The following NME8 variants were observed in gnomAD, a reference collection of about 807,000 sequenced individuals.
NME8 encodes NME/NM23 family member 8, also known as protein NME8.
NME8 carries 72 observed loss-of-function variants against 82.3 expected under a neutral mutation model. The ratio of observed to expected loss-of-function variants is 0.87; its 90% CI spans 0.72 to 1.06. NME8 has a LOEUF of 1.06. NME8 is among the 50% of genes least tolerant of loss of function. The pLI, the probability that NME8 is intolerant of heterozygous loss-of-function variation, is 0.00. For missense variants in NME8, 712 were observed against 685.4 expected, an observed-to-expected ratio of 1.04 and a Z score of -0.43; for synonymous variants, 267 against 228.5, an observed-to-expected ratio of 1.17 and a Z score of -1.52.
intron 13 of NME8, 56 bp from the exon 14 acceptor site, chr7:37,885,089 A>C: frequency 9.6e-7 from 1 of 1,038,624 alleles, no homozygotes; most frequent in Non-Finnish European, 1.5e-6. Context: ...GCCTATACAT[A>C]ATTAGCTACT....
intron 12 of NME8, among the ~76,000 whole-genome samples, chr7:37,883,376 T>G (rs562701156): frequency 6.6e-6 from 1 of 152,364 alleles, no homozygotes; most frequent in East Asian, 1.9e-4. Flanking sequence ...TATCCTGTGT[T>G]TTCCTTTCTT....
chr7:37,882,604 AG>A (rs1562838282), intron 12 of NME8, among the ~76,000 whole-genome samples: 16 of 52,566 alleles, frequency 3.0e-4, no homozygotes, highest in Middle Eastern at 0.01. Flanking sequence ...AGAAAGAGAG[AG>A]AGAGAGAGAG....
chr7:37,881,098 A>G (rs1784937898), intron 12 of NME8, among the ~76,000 whole-genome samples: 2 of 152,178 alleles, frequency 1.3e-5, no homozygotes, highest in African/African-American at 4.8e-5. Context: ...GCCCTCTGTG[A>G]AGAACAACAA....
chr7:37,865,908 A>T (rs1363941519), intron 10 of NME8, among the ~76,000 whole-genome samples: 1 of 152,106 alleles, frequency 6.6e-6, no homozygotes, highest in African/African-American at 2.4e-5. Flanking sequence ...GTCCTCTGGA[A>T]GTGAATATCC....
chr7:37,872,429 A>G (rs1337225504), intron 11 of NME8, among the ~76,000 whole-genome samples: 1 of 152,182 alleles, frequency 6.6e-6, no homozygotes, highest in Middle Eastern at 3.2e-3. Flanking sequence ...CTGTACAAAA[A>G]TCACAACACA....
chr7:37,894,991 T>C (rs1785200085), intron 16 of NME8, among the ~76,000 whole-genome samples: 1 of 152,242 alleles, frequency 6.6e-6, no homozygotes, highest in East Asian at 1.9e-4. Context: ...GCCAACATAC[T>C]TAATTGTTGC....
chr7:37,868,793 G>T (rs1490842347), intron 11 of NME8, among the ~76,000 whole-genome samples: 1 of 152,034 alleles, frequency 6.6e-6, no homozygotes, highest in East Asian at 1.9e-4. Context: ...TACTTTAGAT[G>T]GTTTGTGGTT....
intron 12 of NME8, among the ~76,000 whole-genome samples, chr7:37,879,658 G>A (rs1784911990): frequency 6.6e-6 from 1 of 152,154 alleles, no homozygotes; most frequent in African/African-American, 2.4e-5. Context: ...TGCTGTAGGT[G>A]TTCATATGCA....
intron 12 of NME8, among the ~76,000 whole-genome samples, chr7:37,877,277 T>C (rs207467789): frequency 6.6e-6 from 1 of 152,212 alleles, no homozygotes; most frequent in Non-Finnish European, 1.5e-5. Flanking sequence ...TTAAAGCTTC[T>C]ATGTCTGAAA....
intron 15 of NME8, 151 bp downstream of exon 15, chr7:37,888,579 A>T: frequency 1.5e-6 from 1 of 675,492 alleles, no homozygotes; most frequent in Non-Finnish European, 2.5e-6. Context: ...TTTAGATTCA[A>T]CAATTAACTT....
intron 13 of NME8, among the ~76,000 whole-genome samples, chr7:37,884,820 GTT>G (rs896885525): frequency 3.9e-5 from 6 of 152,180 alleles, no homozygotes; most frequent in African/African-American, 1.4e-4. Context: ...AATGTGCTGG[GTT>G]TCTTTCTAGA....
intron 17 of NME8, among the ~76,000 whole-genome samples, chr7:37,897,942 A>C (rs1785255577): frequency 6.6e-6 from 1 of 152,138 alleles, no homozygotes; most frequent in Non-Finnish European, 1.5e-5. Context: ...GCTATTGTAA[A>C]TATTGCTGCA....
Position 37,850,624 on chromosome 7 carries a change from T to C in NME8, c.92-5T>C. 1 of 1,588,554 alleles carries C rather than the reference T, an allele frequency of 6.3e-7. No individual in the cohort carries two copies. The highest frequency in any genetic ancestry group is 8.6e-7 in the Non-Finnish European group (1 of 1,156,606). ...TGTTATTTCATAAATATCATCATCT[T>C]CTAGTGATTGATGTTTACCAAGCCT... On this transcript the variant is annotated splice_polypyrimidine_tract_variant and splice_region_variant and intron_variant, in intron 4 of 17. Transcript: ENST00000199447.
chr7:37,873,662 A>T (rs1450505554), intron 11 of NME8, among the ~76,000 whole-genome samples: 1 of 152,222 alleles, frequency 6.6e-6, no homozygotes, highest in Non-Finnish European at 1.5e-5. Flanking sequence ...ATTTTACAGT[A>T]CATTGCAGAA....
chr7:37,862,225 G>A, intron 7 of NME8, 81 bp downstream of exon 7: 1 of 903,836 alleles, frequency 1.1e-6, no homozygotes, highest in South Asian at 1.3e-5. Context: ...ACTGGTGCTA[G>A]GTACCTCTAA....
rs895815053 is a variant in NME8 at position 37,867,839 on chromosome 7, G to A, written c.759G>A (p.Glu253=). 2.5e-6 allele frequency: 4 copies of A among 1,613,876 alleles called. No homozygotes were observed. The highest frequency in any genetic ancestry group is 3.4e-6 in the Non-Finnish European group (4 of 1,179,884). The change falls in exon 11 of 18, where the codon GAG becomes GAA. Residue 253 remains glutamate (E), a synonymous_variant. Coordinates refer to ENST00000199447, the MANE Select transcript of NME8 (RefSeq NM_016616.5). The part of the protein sequence containing the change: ...QTDTEPNERS[E]DQPEVEAQVT... ...ACACCGAACCTAACGAACGATCTGA[G>A]GATCAACCTGAGGTCGAAGCCCAGG...
chr7:37,887,322 C>A (rs558215975), intron 14 of NME8, among the ~76,000 whole-genome samples: 1 of 152,240 alleles, frequency 6.6e-6, no homozygotes, highest in Non-Finnish European at 1.5e-5. Flanking sequence ...CTGGAGGTTT[C>A]CCTTCAGTAT....
At chr7:37,879,901 A>G (rs6960756) in intron 12 of NME8, among the ~76,000 whole-genome samples, 43,326 of 152,058 alleles carry the variant, frequency 0.28, 6,401 homozygotes, top group Non-Finnish European at 0.33. Flanking sequence ...TTAATAGGTA[A>G]ATAATATTAC....
chr7:37,852,606 C>T (rs1784453111), intron 5 of NME8, among the ~76,000 whole-genome samples: 1 of 152,120 alleles, frequency 6.6e-6, no homozygotes, highest in South Asian at 2.1e-4. Context: ...AGTGTGGAGC[C>T]TTTTCAGATT....
Sources: allele counts gnomAD v4.1 joint callset (sites outside exome capture counted in the v4.1 genomes callset), GRCh38; gene constraint gnomAD v4.1.1; transcripts MANE v1.5; gene names NCBI Gene and HGNC (gene_info 2026-07-23, HGNC 2026-07-21).